The following LGR6 variants were observed in gnomAD, a reference collection of about 807,000 sequenced individuals.
The protein encoded by LGR6 is leucine rich repeat containing G protein-coupled receptor 6.
A neutral mutation model predicts 69.4 loss-of-function variants in LGR6; 45 were observed. The observed-to-expected ratio is 0.65, with a 90% CI of 0.51 to 0.83. The LOEUF (loss-of-function observed/expected upper bound fraction) is 0.83, where lower values mean the gene tolerates loss of function less well. LGR6 is among the 40% of genes least tolerant of loss of function. LGR6 has a pLI of 0.00. For synonymous variants in LGR6, 538 were observed against 555.0 expected (o/e 0.97, Z 0.43); for missense variants, 1,108 against 1,246.7 (o/e 0.89, Z 1.68).
In LGR6 at chr1:202,214,990, G is replaced by GGTGTGTGTGT. The variant is rs3221675; in HGVS notation, c.213-10411_213-10402dup. 2.9e-3 allele frequency among the ~76,000 whole-genome samples: 427 copies of GGTGTGTGTGT among 145,602 alleles called. 8 individuals are homozygous for GGTGTGTGTGT. The East Asian group carries it at 0.042, about 14-fold the overall frequency. Reference sequence around the variant, plus strand: ...GGTAAATGGTGTTTGGGTGCACCTGGGTGTGTGTGTGTGTGTGTGTGTGTG... The same window carrying GGTGTGTGTGT: ...GGTAAATGGTGTTTGGGTGCACCTGGGTGTGTGTGTGTGTGTGTGTGTGTGTGTGTGTGTG... On this transcript the variant is annotated intron_variant, in intron 1 of 17. Coordinates refer to ENST00000367278, the MANE Select transcript of LGR6 (RefSeq NM_001017403.2).
Position 202,305,705 on chromosome 1 carries a change from T to G in LGR6, c.1092T>G (p.Ile364Met). ...LRVLELSHNQ[I>M]EELPSLHRCQ... The stretch of plus-strand genomic sequence containing the variant: ...CCAGGGAACTGTCTCACAATCAAAT[T>G]GAGGAGCTGCCCAGCCTGCACAGGT... Residue 364 changes from isoleucine (I) to methionine (M), a missense_variant, in exon 12 of 18, where the codon ATT (isoleucine) becomes ATG (methionine). By Grantham distance (10) the Ile-to-Met change is conservative. Coordinates refer to ENST00000367278, the MANE Select transcript of LGR6 (RefSeq NM_001017403.2). 1 of 1,613,746 alleles carries G rather than the reference T, an allele frequency of 6.2e-7. No homozygotes were observed. The highest frequency in any genetic ancestry group is 8.5e-7 in the Non-Finnish European group (1 of 1,179,912).
At chr1:202,196,657 A>G (rs1160183962) in intron 1 of LGR6, among the ~76,000 whole-genome samples, 1 of 152,188 alleles carries the variant, frequency 6.6e-6, no homozygotes, top group Non-Finnish European at 1.5e-5. Context: ...TAATATGTTC[A>G]ATGAAAGTCC....
At chr1:202,217,310 C>T (rs1433605791) in intron 1 of LGR6, among the ~76,000 whole-genome samples, 1 of 152,254 alleles carries the variant, frequency 6.6e-6, no homozygotes, top group South Asian at 2.1e-4. Context: ...GAGAGAGGAA[C>T]CTCTCCTGGG....
chr1:202,230,279 G>T (rs1047928078), intron 3 of LGR6, among the ~76,000 whole-genome samples: 2 of 141,178 alleles, frequency 1.4e-5, no homozygotes, highest in African/African-American at 2.7e-5. Context: ...ACCCATCCCT[G>T]CCCGATCTGG....
chr1:202,208,406 G>T (rs1052601120), intron 1 of LGR6, among the ~76,000 whole-genome samples: 5 of 135,320 alleles, frequency 3.7e-5, no homozygotes, highest in Admixed American at 1.6e-4. Context: ...AGAAGGAGGG[G>T]GGAGAGAGAG....
rs914076054 is a variant in LGR6, at chr1:202,199,708, A to G, written c.212+5507A>G. On this transcript the variant is annotated intron_variant, in intron 1 of 17. Coordinates refer to ENST00000367278, the MANE Select transcript of LGR6 (RefSeq NM_001017403.2). ...GGGCACAGAAGGTATCCCAATGGGG[A>G]GGCCCTGCTGGGCGCAGGCTTGAGT... Among the ~76,000 whole-genome samples the G allele has an allele frequency of 2.6e-5, 4 of 152,184 alleles. No homozygotes were observed. In the South Asian group the frequency reaches 8.3e-4, roughly 32 times the overall value.
At chr1:202,234,186 C>T (rs994417597) in intron 3 of LGR6, among the ~76,000 whole-genome samples, 4 of 152,252 alleles carry the variant, frequency 2.6e-5, no homozygotes, top group Non-Finnish European at 5.9e-5. Context: ...GGCTCTGCCC[C>T]TTCCTGCAGC....
intron 4 of LGR6, among the ~76,000 whole-genome samples, chr1:202,252,765 G>A (rs1014416049): frequency 2.0e-5 from 3 of 152,250 alleles, no homozygotes; most frequent in South Asian, 4.1e-4. Context: ...TCCATGCCCA[G>A]CCCATGGCAG....
At chr1:202,213,673 A>T (rs1252754380) in intron 1 of LGR6, among the ~76,000 whole-genome samples, 5 of 152,204 alleles carry the variant, frequency 3.3e-5, no homozygotes, top group Non-Finnish European at 5.9e-5. Context: ...ACTGACATTC[A>T]TGCTACACCC....
chr1:202,288,604 T>C (rs1237594001), intron 6 of LGR6, among the ~76,000 whole-genome samples: 2 of 152,170 alleles, frequency 1.3e-5, no homozygotes, highest in Admixed American at 1.3e-4. Context: ...TACTCCGAGA[T>C]ATGCAGTCTC....
chr1:202,304,329 C>G (rs933207868), intron 10 of LGR6, among the ~76,000 whole-genome samples: 9 of 152,152 alleles, frequency 5.9e-5, no homozygotes, highest in Admixed American at 5.9e-4. Flanking sequence ...CCCTCTCTCT[C>G]CACTCCCCTC....
chr1:202,213,898 A>G (rs1659577449), intron 1 of LGR6, among the ~76,000 whole-genome samples: 1 of 152,186 alleles, frequency 6.6e-6, no homozygotes, highest in African/African-American at 2.4e-5. Context: ...ATTCAGTCCA[A>G]CTGCAGCATG....
chr1:202,307,077 C>G, intron 13 of LGR6, 138 bp downstream of exon 13: 1 of 779,698 alleles, frequency 1.3e-6, no homozygotes, highest in Non-Finnish European at 2.1e-6. Context: ...AGCCCCCACC[C>G]CCAGCACACA....
rs1197240599 is a variant in LGR6 at position 202,304,588 on chromosome 1, T to C, written c.1028T>C (p.Leu343Pro). Reference protein sequence around the residue: ...LTLTRAGIRLLPSGMCQQLPR... With the variant: ...LTLTRAGIRLPPSGMCQQLPR... Reference sequence around the variant, plus strand: ...CTGACCCGCGCAGGCATCCGGCTGCTCCCATCGGGGATGTGCCAACAGCTG... The same window carrying C: ...CTGACCCGCGCAGGCATCCGGCTGCCCCCATCGGGGATGTGCCAACAGCTG... Residue 343 changes from leucine to proline, a missense_variant, in exon 11 of 18, where the codon CTC becomes CCC. Transcript: ENST00000367278. 1 of 1,611,000 alleles carries C rather than the reference T, an allele frequency of 6.2e-7. No individual in the cohort carries two copies. The highest frequency in any genetic ancestry group is 8.5e-7 in the Non-Finnish European group (1 of 1,177,696).
intron 3 of LGR6, among the ~76,000 whole-genome samples, chr1:202,229,975 T>G (rs1312157768): frequency 6.6e-6 from 1 of 152,192 alleles, no homozygotes; most frequent in Non-Finnish European, 1.5e-5. Flanking sequence ...CTTCCATTGC[T>G]TGCTTTTCAG....
At chr1:202,244,985 G>C (rs1472069337) in intron 4 of LGR6, among the ~76,000 whole-genome samples, 1 of 152,198 alleles carries the variant, frequency 6.6e-6, no homozygotes, top group Admixed American at 6.5e-5. Flanking sequence ...GGTCTGGGGT[G>C]CTCTCATCTA....
At chr1:202,267,117 C>T (rs1180282990) in intron 4 of LGR6, among the ~76,000 whole-genome samples, 1 of 152,176 alleles carries the variant, frequency 6.6e-6, no homozygotes, top group East Asian at 1.9e-4. Flanking sequence ...GCTGGCCACA[C>T]TTCAAGAGCT....
chr1:202,209,395 C>A (rs1659377398), intron 1 of LGR6, among the ~76,000 whole-genome samples: 1 of 152,196 alleles, frequency 6.6e-6, no homozygotes, highest in African/African-American at 2.4e-5. Context: ...AGCCTGCCCG[C>A]CCCACAGTGT....
intron 1 of LGR6, 110 bp downstream of exon 1, chr1:202,194,311 C>A: frequency 1.4e-6 from 1 of 722,048 alleles, no homozygotes; most frequent in Non-Finnish European, 2.2e-6. Flanking sequence ...ATGGGCATCC[C>A]GGAGAGGGTT....
Sources: allele counts gnomAD v4.1 joint callset (sites outside exome capture counted in the v4.1 genomes callset), GRCh38; gene constraint gnomAD v4.1.1; transcripts MANE v1.5; gene names NCBI Gene and HGNC (gene_info 2026-07-23, HGNC 2026-07-21).